Variants in MYO5B observed in about 807,000 individuals in gnomAD.
The protein encoded by MYO5B is unconventional myosin-Vb.
In MYO5B, 143 loss-of-function variants were observed where a neutral mutation model predicts 229.3. That is an observed-to-expected ratio of 0.62 (90% confidence interval 0.54 to 0.72). The LOEUF (loss-of-function observed/expected upper bound fraction) is 0.72, where lower values mean the gene tolerates loss of function less well. MYO5B is among the 30% of genes least tolerant of loss of function. The pLI is 0.00. For synonymous variants in MYO5B, 918 were observed against 885.2 expected (o/e 1.04, Z -0.66); for missense variants, 2,321 against 2,331.0 (o/e 1.00, Z 0.09).
intron 27 of MYO5B, among the ~76,000 whole-genome samples, chr18:49,866,625 C>T (rs2024400014): frequency 2.6e-5 from 4 of 152,162 alleles, no homozygotes; most frequent in African/African-American, 9.7e-5. Context: ...TTTTTGTGCA[C>T]CCAAATGCTA....
At chr18:49,936,154 G>T in intron 16 of MYO5B, 98 bp downstream of exon 16, 1 of 1,001,058 alleles carries the variant, frequency 1.0e-6, no homozygotes, top group Non-Finnish European at 1.5e-6. Flanking sequence ...TGGTCATCAT[G>T]CTGAAGGCCA....
intron 35 of MYO5B, among the ~76,000 whole-genome samples, chr18:49,840,916 GC>G (rs1438981364): frequency 2.6e-5 from 4 of 152,234 alleles, no homozygotes; most frequent in African/African-American, 9.7e-5. Flanking sequence ...ATTATGGTGT[GC>G]CTCTGTTCTT....
intron 31 of MYO5B, chr18:49,849,863 T>G (rs1339237122): frequency 4.9e-6 from 3 of 611,174 alleles, no homozygotes; most frequent in Non-Finnish European, 5.9e-6. Context: ...AGATGATGAG[T>G]CAGAGTCCAT....
intron 1 of MYO5B, among the ~76,000 whole-genome samples, chr18:50,084,580 T>C (rs998653442): frequency 1.3e-5 from 2 of 152,074 alleles, no homozygotes; most frequent in Admixed American, 6.6e-5. Context: ...AATTTGTTTC[T>C]AGTTGGGAAG....
At chr18:50,036,185 C>A (rs2026446728) in intron 4 of MYO5B, among the ~76,000 whole-genome samples, 1 of 152,138 alleles carries the variant, frequency 6.6e-6, no homozygotes, top group African/African-American at 2.4e-5. Flanking sequence ...CCTGCATTTC[C>A]CCCAAAACAT....
At chr18:50,049,486 C>A (rs2030333269) in intron 2 of MYO5B, among the ~76,000 whole-genome samples, 7 of 152,222 alleles carry the variant, frequency 4.6e-5, no homozygotes, top group Non-Finnish European at 1.5e-5. Context: ...TCTGTCAGAA[C>A]CATAGAGCCA....
chr18:50,058,668 G>A (rs374278495), intron 1 of MYO5B, among the ~76,000 whole-genome samples: 10 of 152,080 alleles, frequency 6.6e-5, no homozygotes, highest in South Asian at 6.2e-4. Flanking sequence ...AAAATTAGCC[G>A]GGCGTGGTGG....
chr18:50,132,851 T>G (rs945916617), intron 1 of MYO5B, among the ~76,000 whole-genome samples: 11 of 152,244 alleles, frequency 7.2e-5, no homozygotes, highest in African/African-American at 2.4e-4. Context: ...TTTAATCCCT[T>G]AAATCATTTC....
rs1231658327 is a variant in MYO5B at position 49,984,808 on chromosome 18, A to G, written c.856T>C (p.Phe286Leu). The change falls in exon 8 of 40, where the codon TTC becomes CTC. Residue 286 changes from phenylalanine to leucine, a missense_variant. Physicochemically the swap from Phe to Leu is conservative, Grantham distance 22. Coordinates refer to ENST00000285039, the MANE Select transcript of MYO5B (RefSeq NM_001080467.3). The stretch of plus-strand genomic sequence containing the variant: ...GTGTCTCCTCCCTGTGATGTATAGA[A>G]AAAGTCCTCTGCACTTGCTGTGGGA... ...ELALTSAEDF[F>L]YTSQGGDTSI... 6.2e-7 allele frequency: 1 copy of G among 1,612,592 alleles called. No homozygotes were observed. Among genetic ancestry groups the G allele is most frequent in the East Asian group, 2.2e-5 (1 of 44,868 alleles).
At chr18:50,109,618 G>A (rs1240102587) in intron 1 of MYO5B, among the ~76,000 whole-genome samples, 2 of 151,966 alleles carry the variant, frequency 1.3e-5, no homozygotes, top group African/African-American at 4.8e-5. Context: ...AGTAGAGACA[G>A]GGTCTCACCG....
chr18:49,913,530 C>G (rs9957027), intron 17 of MYO5B, among the ~76,000 whole-genome samples: 1 of 152,090 alleles, frequency 6.6e-6, no homozygotes, highest in Non-Finnish European at 1.5e-5. Flanking sequence ...GGCAGCCCCC[C>G]ACCCACTCTC....
At chr18:50,081,490 C>T (rs376473516) in intron 1 of MYO5B, among the ~76,000 whole-genome samples, 26 of 152,196 alleles carry the variant, frequency 1.7e-4, no homozygotes, top group Non-Finnish European at 2.9e-4. Context: ...GGGAGGAAAA[C>T]ACTATGAGAG....
chr18:50,002,184 G>C (rs2026055697), intron 4 of MYO5B, among the ~76,000 whole-genome samples: 1 of 152,090 alleles, frequency 6.6e-6, no homozygotes, highest in Non-Finnish European at 1.5e-5. Context: ...TTTGAGCCTA[G>C]CATGCCAGCA....
At chr18:50,049,618 T>C (rs1424853224) in intron 2 of MYO5B, among the ~76,000 whole-genome samples, 4 of 152,188 alleles carry the variant, frequency 2.6e-5, no homozygotes, top group African/African-American at 9.6e-5. Flanking sequence ...TAGTTCTCTG[T>C]TGTGGGGGTG....
At chr18:49,972,639 G>T (rs754120666) in intron 10 of MYO5B, among the ~76,000 whole-genome samples, 1 of 152,150 alleles carries the variant, frequency 6.6e-6, no homozygotes, top group Admixed American at 6.5e-5. Context: ...AGGTAATACC[G>T]AAAGGTCAGT....
At chr18:50,182,113 C>T (rs67503418) in intron 1 of MYO5B, among the ~76,000 whole-genome samples, 13,374 of 152,274 alleles carry the variant, frequency 0.088, 637 homozygotes, top group South Asian at 0.11. Context: ...AGTGGTGAGA[C>T]AGTGCTCCAA....
chr18:49,896,516 C>G (rs1294314553), intron 21 of MYO5B, among the ~76,000 whole-genome samples: 1 of 152,202 alleles, frequency 6.6e-6, no homozygotes, highest in South Asian at 2.1e-4. Context: ...TAGCCACCCT[C>G]TGACTTCATC....
intron 1 of MYO5B, among the ~76,000 whole-genome samples, chr18:50,115,463 T>C (rs1280645669): frequency 5.9e-5 from 9 of 151,840 alleles, no homozygotes; most frequent in African/African-American, 1.7e-4. Context: ...ACGGAGCACC[T>C]ACCAGGGCCA....
intron 19 of MYO5B, among the ~76,000 whole-genome samples, chr18:49,905,714 T>A (rs1471899960): frequency 6.6e-6 from 1 of 152,164 alleles, no homozygotes; most frequent in Non-Finnish European, 1.5e-5. Context: ...GAACCAGGCC[T>A]GGGCTCAAAA....
Sources: allele counts gnomAD v4.1 joint callset (sites outside exome capture counted in the v4.1 genomes callset), GRCh38; gene constraint gnomAD v4.1.1; transcripts MANE v1.5; gene names NCBI Gene and HGNC (gene_info 2026-07-23, HGNC 2026-07-21).